The following CDH1 variants were observed in gnomAD, a reference collection of about 807,000 sequenced individuals.
CDH1 encodes cadherin 1.
In CDH1, 35 loss-of-function variants were observed where a neutral mutation model predicts 84.5. The ratio of observed to expected loss-of-function variants is 0.41; its 90% CI spans 0.32 to 0.55. The LOEUF (loss-of-function observed/expected upper bound fraction) is 0.55. Ranked by LOEUF, CDH1 falls within the 20% of genes least tolerant of loss-of-function variation. The pLI, the probability that CDH1 is intolerant of heterozygous loss-of-function variation, is 0.19. For missense variants in CDH1, 994 were observed against 1,126.6 expected (o/e 0.88, Z 1.68); for synonymous variants, 417 against 439.0 (o/e 0.95, Z 0.63).
At chr16:68,780,541 C>T (rs1042356774) in intron 2 of CDH1, among the ~76,000 whole-genome samples, 4 of 152,134 alleles carry the variant, frequency 2.6e-5, no homozygotes, top group East Asian at 3.9e-4. Flanking sequence ...CTACCCATCT[C>T]GACCTCCCAA....
intron 15 of CDH1, 119 bp from the exon 16 acceptor site, chr16:68,833,171 C>G (rs116206419): frequency 1.2e-6 from 1 of 813,136 alleles, no homozygotes; most frequent in Non-Finnish European, 2.1e-6. Context: ...TTCACTGCTC[C>G]GTGGTGTGCC....
intron 10 of CDH1, among the ~76,000 whole-genome samples, chr16:68,816,143 A>G (rs1195952862): frequency 6.6e-6 from 1 of 152,098 alleles, no homozygotes; most frequent in East Asian, 1.9e-4. Flanking sequence ...TCAGCCTTCC[A>G]TGTAGCCAGG....
chr16:68,765,625 A>G (rs1959353554), intron 2 of CDH1: 1 of 152,110 alleles, frequency 6.6e-6, no homozygotes, highest in African/African-American at 2.4e-5. Flanking sequence ...AGGGGCAATT[A>G]ATCATGAACC....
rs587782476 is a variant in CDH1 at position 68,737,444 on chromosome 16, C to CGCTGCT, written c.41_46dup (p.Leu14_Leu15dup). The CGCTGCT allele has an allele frequency of 8.7e-6, 13 of 1,489,776 alleles. No individual in the cohort carries two copies. The South Asian group carries it at 1.1e-4, about 13-fold the overall frequency. 92.3% of individuals were successfully genotyped at this position (1,489,776 alleles called of 1,614,324 possible). A position where few individuals can be genotyped will look rare whatever the true frequency, so the allele number is the denominator to read the frequency against. On this transcript the variant is annotated inframe_insertion, in exon 1 of 16. Transcript: ENST00000261769. Reference sequence around the variant, plus strand: ...GGCCCTTGGAGCCGCAGCCTCTCGGCGCTGCTGCTGCTGCTGCAGGTACCC... The same window carrying CGCTGCT: ...GGCCCTTGGAGCCGCAGCCTCTCGGCGCTGCTGCTGCTGCTGCTGCTGCAGGTACCC...
At chr16:68,738,936 CT>C (rs1555509828) in intron 2 of CDH1, among the ~76,000 whole-genome samples, 126 of 11,432 alleles carry the variant, frequency 0.011, 1 homozygote, top group South Asian at 0.085. Flanking sequence ...GATATAAAAG[CT>C]TTTTTTTTTT....
intron 12 of CDH1, chr16:68,823,176 T>A (rs897824795): frequency 3.4e-5 from 18 of 527,754 alleles, no homozygotes; most frequent in African/African-American, 1.6e-4. Context: ...GCAGCTTTTT[T>A]AAACCAACTC....
intron 5 of CDH1, among the ~76,000 whole-genome samples, 176 bp from the exon 6 acceptor site, chr16:68,810,021 T>G (rs1295045807): frequency 6.6e-6 from 1 of 152,140 alleles, no homozygotes; most frequent in Non-Finnish European, 1.5e-5. Context: ...GGCTCTTACC[T>G]TGTTATAATC....
intron 15 of CDH1, among the ~76,000 whole-genome samples, chr16:68,831,469 T>G (rs900523013): frequency 7.2e-5 from 11 of 152,010 alleles, no homozygotes; most frequent in African/African-American, 2.7e-4. Flanking sequence ...ACATTCATTT[T>G]AGCCACTGGA....
chr16:68,740,168 AT>A (rs554750963), intron 2 of CDH1, among the ~76,000 whole-genome samples: 13 of 149,674 alleles, frequency 8.7e-5, no homozygotes, highest in South Asian at 2.1e-4. Context: ...AATAAGAGGC[AT>A]TTTTTTTTTA....
intron 2 of CDH1, among the ~76,000 whole-genome samples, chr16:68,747,196 G>C (rs1459969845): frequency 7.2e-5 from 11 of 152,174 alleles, no homozygotes; most frequent in Non-Finnish European, 1.6e-4. Flanking sequence ...GAGTAAGAGG[G>C]TGTCTTCCAT....
At position 68,801,902 on chromosome 16, in the gene CDH1, G is replaced by A. The variant is rs1296702309; in HGVS notation, c.387+9G>A. On this transcript the variant is annotated intron_variant, in intron 3 of 15. Transcript: ENST00000261769. ...GCCCCCCGCCCCATCAGGTATGTTG[G>A]CATTTTTCTGAGAAGTTCGCTGTTG... 2 of 1,608,664 alleles carry A rather than the reference G, an allele frequency of 1.2e-6. No individual in the cohort carries two copies. The highest frequency in any genetic ancestry group is 1.7e-6 in the Non-Finnish European group (2 of 1,175,226).
intron 13 of CDH1, among the ~76,000 whole-genome samples, chr16:68,825,503 G>A (rs529649117): frequency 1.1e-4 from 16 of 152,302 alleles, no homozygotes; most frequent in African/African-American, 3.9e-4. Context: ...CCAGGAGAGG[G>A]TGCCTTTCAA....
chr16:68,817,388 G>A (rs1276675075), intron 10 of CDH1, among the ~76,000 whole-genome samples: 1 of 152,112 alleles, frequency 6.6e-6, no homozygotes, highest in Non-Finnish European at 1.5e-5. Context: ...AAATAAATAA[G>A]GATTATAGTA....
intron 10 of CDH1, among the ~76,000 whole-genome samples, chr16:68,818,097 G>A (rs939359009): frequency 1.3e-4 from 20 of 151,782 alleles, no homozygotes; most frequent in African/African-American, 2.7e-4. Context: ...AAAATTAGCC[G>A]GGCGTGGTGG....
At chr16:68,750,351 C>T (rs1295939331) in intron 2 of CDH1, among the ~76,000 whole-genome samples, 2 of 151,326 alleles carry the variant, frequency 1.3e-5, no homozygotes, top group African/African-American at 2.4e-5. Context: ...AGGGAAACCG[C>T]CTTAAAGAAA....
At chr16:68,760,258 C>T (rs1332694075) in intron 2 of CDH1, among the ~76,000 whole-genome samples, 1 of 134,752 alleles carries the variant, frequency 7.4e-6, no homozygotes, top group African/African-American at 2.8e-5. Flanking sequence ...CAACACCACG[C>T]CCAGCTAATT....
intron 2 of CDH1, among the ~76,000 whole-genome samples, chr16:68,791,247 C>G (rs1960201539): frequency 6.6e-6 from 1 of 152,190 alleles, no homozygotes; most frequent in Non-Finnish European, 1.5e-5. Flanking sequence ...TCCCTTACTT[C>G]AGCACACAGC....
At chr16:68,784,439 C>T (rs933345163) in intron 2 of CDH1, among the ~76,000 whole-genome samples, 18 of 152,078 alleles carry the variant, frequency 1.2e-4, no homozygotes, top group Admixed American at 4.6e-4. Flanking sequence ...CAGCATCCGC[C>T]GGCAGCACCC....
chr16:68,823,641 C>A lies in CDH1; in HGVS notation c.2164+15C>A. 6.5e-7 allele frequency: 1 copy of A among 1,544,212 alleles called. No homozygotes were observed. Among genetic ancestry groups the A allele is most frequent in the Non-Finnish European group, 8.9e-7 (1 of 1,121,736 alleles). Reference sequence around the variant, plus strand: ...TGCTTTGCTAAGTAAGTCCAGCTGGCAAGTGACTCAGCCTTTGACTTAAAA... The same window carrying A: ...TGCTTTGCTAAGTAAGTCCAGCTGGAAAGTGACTCAGCCTTTGACTTAAAA... On this transcript the variant is annotated intron_variant, in intron 13 of 15. Coordinates refer to ENST00000261769, the MANE Select transcript of CDH1 (RefSeq NM_004360.5).
Sources: gnomAD v4.1 joint callset for allele counts (sites outside exome capture counted in the v4.1 genomes callset) on GRCh38, gnomAD v4.1.1 for gene constraint, MANE v1.5 for transcripts, NCBI Gene and HGNC (gene_info 2026-07-23, HGNC 2026-07-21) for gene names.